FBN1: variants seen among roughly 807,000 people sequenced by gnomAD.
The protein encoded by FBN1 is fibrillin-1.
Under a neutral mutation model 365.1 loss-of-function variants are expected in FBN1, and 29 were observed. The ratio of observed to expected loss-of-function variants is 0.08; its 90% CI spans 0.06 to 0.11. FBN1 has a LOEUF of 0.11. FBN1 is among the 10% of genes least tolerant of loss of function. The pLI, the probability that FBN1 is intolerant of heterozygous loss-of-function variation, is 1.00. For synonymous variants in FBN1, 1,210 were observed against 1,270.5 expected, an observed-to-expected ratio of 0.95 and a Z score of 1.01; for missense variants, 2,476 against 3,703.2, an observed-to-expected ratio of 0.67 and a Z score of 8.60.
In FBN1 at chr15:48,409,588, G is replaced by A. The variant is rs2042844270; in HGVS notation, c.*1402C>T. On this transcript the variant is annotated 3_prime_UTR_variant, in exon 66 of 66. Coordinates refer to ENST00000316623, the MANE Select transcript of FBN1 (RefSeq NM_000138.5). ...AAATTATGACATTAAGAAACCAAAA[G>A]TTACAGCAATTGGATACAGTCTGGG... 6.6e-6 allele frequency: 1 copy of A among 151,996 alleles called. No homozygotes were observed. Among genetic ancestry groups the A allele is most frequent in the South Asian group, 2.1e-4 (1 of 4,812 alleles). 9.4% of individuals were successfully genotyped at this position (151,996 alleles called of 1,614,324 possible). A position where few individuals can be genotyped will look rare whatever the true frequency, so the allele number is the denominator to read the frequency against.
At chr15:48,498,890 A>C in intron 18 of FBN1, 95 bp downstream of exon 18, 1 of 1,188,424 alleles carries the variant, frequency 8.4e-7, no homozygotes, top group Non-Finnish European at 1.3e-6. Context: ...GAGTCAGGCC[A>C]GACTAGTGTA....
At chr15:48,460,853 T>C (rs1480991287) in intron 42 of FBN1, among the ~76,000 whole-genome samples, 1 of 152,194 alleles carries the variant, frequency 6.6e-6, no homozygotes, top group Non-Finnish European at 1.5e-5. Context: ...CTCTGTCATA[T>C]TCTCTCCCTC....
At chr15:48,627,185 C>T (rs1889901172) in intron 2 of FBN1, among the ~76,000 whole-genome samples, 1 of 152,108 alleles carries the variant, frequency 6.6e-6, no homozygotes, top group East Asian at 1.9e-4. Context: ...TTTTTGTGCT[C>T]TGATTTTTTT....
intron 14 of FBN1, among the ~76,000 whole-genome samples, chr15:48,509,822 T>A (rs1307775959): frequency 6.6e-6 from 1 of 152,132 alleles, no homozygotes; most frequent in Non-Finnish European, 1.5e-5. Context: ...ACACCAGGGA[T>A]CTTTAAATGG....
At chr15:48,454,234 G>C (rs1211431057) in intron 44 of FBN1, among the ~76,000 whole-genome samples, 1 of 152,176 alleles carries the variant, frequency 6.6e-6, no homozygotes, top group Non-Finnish European at 1.5e-5. Flanking sequence ...GGTGCTCCTG[G>C]TCTGTAGAGA....
At chr15:48,414,168 A>G (rs372185271) in intron 64 of FBN1, among the ~76,000 whole-genome samples, 10 of 152,188 alleles carry the variant, frequency 6.6e-5, no homozygotes, top group South Asian at 2.1e-4. Context: ...GAGTGTCACA[A>G]TTTTTGCTGG....
In FBN1 at chr15:48,615,691, T is replaced by C. The variant is rs553859051; in HGVS notation, c.165-2599A>G. 2.4e-4 allele frequency among the ~76,000 whole-genome samples: 36 copies of C among 152,332 alleles called. 2 individuals carry two copies. In the South Asian group the frequency reaches 6.0e-3, roughly 25 times the overall value. ...CCTAGAAACAGAGTCTTATATATAT[T>C]ACACTGTGTTTTAAAATAACCAATA... On this transcript the variant is annotated intron_variant, in intron 2 of 65. Transcript: ENST00000316623.
intron 59 of FBN1, 98 bp from the exon 60 acceptor site, chr15:48,425,589 A>G (rs1220612937): frequency 3.2e-6 from 5 of 1,571,282 alleles, no homozygotes; most frequent in East Asian, 4.5e-5. Flanking sequence ...TTTCGGGGAA[A>G]GAAAAAGGAA....
intron 13 of FBN1, among the ~76,000 whole-genome samples, chr15:48,511,051 T>C (rs1050930788): frequency 5.3e-5 from 8 of 152,170 alleles, no homozygotes; most frequent in African/African-American, 1.9e-4. Flanking sequence ...CAAGAAACTA[T>C]GTGGAGTTGG....
At chr15:48,491,629 G>A (rs1435803398) in intron 24 of FBN1, among the ~76,000 whole-genome samples, 1 of 151,990 alleles carries the variant, frequency 6.6e-6, no homozygotes, top group African/African-American at 2.4e-5. Context: ...GGGATTACAG[G>A]CGTGAGCCAT....
intron 45 of FBN1, among the ~76,000 whole-genome samples, chr15:48,450,257 G>T (rs1368987905): frequency 6.6e-6 from 1 of 152,196 alleles, no homozygotes; most frequent in African/African-American, 2.4e-5. Context: ...CTGGAGGTAT[G>T]CAGGGGACGA....
intron 6 of FBN1, among the ~76,000 whole-genome samples, chr15:48,567,958 C>G (rs775553004): frequency 1.0e-4 from 15 of 144,334 alleles, no homozygotes; most frequent in Non-Finnish European, 2.0e-4. Context: ...GGGTTCTAAC[C>G]AGTGCAATGA....
At position 48,471,582 on chromosome 15, in the gene FBN1, A is replaced by G. The variant is rs150793682; in HGVS notation, c.4337-826T>C. 3.3e-3 allele frequency among the ~76,000 whole-genome samples: 504 copies of G among 152,288 alleles called. 2 individuals carry two copies. The highest frequency in any genetic ancestry group is 0.012 in the African/African-American group (484 of 41,556). The stretch of plus-strand genomic sequence containing the variant: ...AGGAGTTTTATATCAAACTCTGCAT[A>G]TTTAATATAAACTGTATAAAGAACA... On this transcript the variant is annotated intron_variant, in intron 35 of 65. Transcript: ENST00000316623.
chr15:48,475,830 A>G (rs1238380796), intron 32 of FBN1, among the ~76,000 whole-genome samples: 1 of 152,246 alleles, frequency 6.6e-6, no homozygotes, highest in Non-Finnish European at 1.5e-5. Context: ...TGGCTTCTTC[A>G]TAACTTCTAG....
At chr15:48,598,257 T>A (rs1320062270) in intron 5 of FBN1, among the ~76,000 whole-genome samples, 2 of 152,224 alleles carry the variant, frequency 1.3e-5, no homozygotes, top group South Asian at 2.1e-4. Flanking sequence ...GAGGTCCCTG[T>A]GTTCCAGTTC....
intron 63 of FBN1, 124 bp downstream of exon 63, chr15:48,420,563 T>A: frequency 1.5e-6 from 2 of 1,322,450 alleles, no homozygotes; most frequent in Non-Finnish European, 1.1e-6. Flanking sequence ...TCAACCAGGT[T>A]AGGGCAATTT....
rs552768691 is a variant in FBN1, at chr15:48,497,252, G to T, written c.2293+14C>A. 20 of 1,613,980 alleles carry T rather than the reference G, an allele frequency of 1.2e-5. No individual in the cohort carries two copies. In the African/African-American group the frequency reaches 2.7e-4, roughly 22 times the overall value. On this transcript the variant is annotated intron_variant, in intron 19 of 65. Transcript: ENST00000316623. ...ATGCAGGCAATGTTTCAGAAAATGGGTAAAACTTCTCACCAACGCAGTTTT... is the reference window on the plus strand; with the variant it reads ...ATGCAGGCAATGTTTCAGAAAATGGTTAAAACTTCTCACCAACGCAGTTTT...
rs553144314 is a variant in FBN1, at chr15:48,498,243, A to C, written c.2167+742T>G. On this transcript the variant is annotated intron_variant, in intron 18 of 65. Transcript: ENST00000316623. ...CCCCATTAACTCCTTATTCGTTATA[A>C]GTTTCCTTACCTCTCCTCTTTCCTC... Among the ~76,000 whole-genome samples the C allele has an allele frequency of 9.2e-5, 14 of 152,188 alleles. No individual in the cohort carries two copies. In the South Asian group the frequency reaches 2.9e-3, roughly 32 times the overall value.
At chr15:48,464,645 T>C (rs762779318) in intron 40 of FBN1, among the ~76,000 whole-genome samples, 1 of 152,214 alleles carries the variant, frequency 6.6e-6, no homozygotes, top group African/African-American at 2.4e-5. Context: ...TAGGCAGAGA[T>C]AGAAATGTGG....
Sources: allele counts gnomAD v4.1 joint callset (sites outside exome capture counted in the v4.1 genomes callset), GRCh38; gene constraint gnomAD v4.1.1; transcripts MANE v1.5; gene names NCBI Gene and HGNC (gene_info 2026-07-23, HGNC 2026-07-21).